The following CPEB2 variants were observed in gnomAD, a reference collection of about 807,000 sequenced individuals.
CPEB2 encodes the protein cytoplasmic polyadenylation element-binding protein 2.
In CPEB2, 56 loss-of-function variants were observed where a neutral mutation model predicts 93.6. The observed-to-expected ratio is 0.60, with a 90% CI of 0.48 to 0.75. CPEB2 has a LOEUF of 0.75. Among genes scored for constraint, CPEB2 ranks in the 30% least tolerant of loss-of-function variants. CPEB2 has a pLI of 0.00. For missense variants in CPEB2, 1,579 were observed against 1,395.1 expected, an observed-to-expected ratio of 1.13 and a Z score of -2.10; for synonymous variants, 764 against 586.3, an observed-to-expected ratio of 1.30 and a Z score of -4.38.
chr4:15,003,466 C>G lies in CPEB2; in HGVS notation c.793C>G (p.Pro265Ala), dbSNP rs1163912804. Reference sequence around the variant, plus strand: ...AGACCTGCCCCCGCTCCCGCAGCTCCCTCCCTCGCCGCCTGCAGCCCCGCG... The same window carrying G: ...AGACCTGCCCCCGCTCCCGCAGCTCGCTCCCTCGCCGCCTGCAGCCCCGCG... ...PADLPPLPQL[P>A]PSPPAAPRRR... Residue 265 changes from proline to alanine, a missense_variant, in exon 1 of 12, where the codon CCT becomes GCT. Physicochemically the swap from Pro to Ala is conservative, Grantham distance 27 (BLOSUM62 -1). Around this residue, in one of 2 missense-constraint regions of CPEB2, gnomAD observed 1,411 missense variants for 1,056.0 expected, o/e 1.34. Coordinates refer to ENST00000538197, the MANE Select transcript of CPEB2 (RefSeq NM_001177382.2). The G allele has an allele frequency of 7.2e-7, 1 of 1,387,224 alleles. No homozygotes were observed. The highest frequency in any genetic ancestry group is 1.6e-5 in the South Asian group (1 of 61,694). 85.9% of individuals were successfully genotyped at this position (1,387,224 alleles called of 1,614,324 possible). A position where few individuals can be genotyped will look rare whatever the true frequency, so the allele number is the denominator to read the frequency against.
intron 4 of CPEB2, among the ~76,000 whole-genome samples, chr4:15,023,509 G>A (rs554064273): frequency 6.6e-6 from 1 of 151,980 alleles, no homozygotes; most frequent in African/African-American, 2.4e-5. Context: ...ATATTTTGGT[G>A]TATAATTTTT....
chr4:15,053,634 T>C (rs1224570094), intron 7 of CPEB2, among the ~76,000 whole-genome samples: 1 of 152,202 alleles, frequency 6.6e-6, no homozygotes, highest in African/African-American at 2.4e-5. Flanking sequence ...GACATAGCAA[T>C]TGGATGTAAC....
In CPEB2 at chr4:15,066,610, TG is replaced by T. The variant is rs1729722283; in HGVS notation, c.*231del. On this transcript the variant is annotated 3_prime_UTR_variant, in exon 12 of 12. Coordinates refer to ENST00000538197, the MANE Select transcript of CPEB2 (RefSeq NM_001177382.2). ...GTGATATTTTCATGTTCAAATAAAA[TG>T]TTTTTTTGTATTTTCTCCAAGTTAT... 1 of 510,752 alleles carries T rather than the reference TG, an allele frequency of 2.0e-6. No individual in the cohort carries two copies. Among genetic ancestry groups the T allele is most frequent in the Non-Finnish European group, 3.5e-6 (1 of 288,808 alleles). The allele number at this position is 510,752 out of a possible 1,614,324, so 31.6% of individuals were successfully genotyped here. A position where few individuals can be genotyped will look rare whatever the true frequency, so the allele number is the denominator to read the frequency against.
intron 4 of CPEB2, among the ~76,000 whole-genome samples, chr4:15,030,278 A>G (rs1003723934): frequency 2.6e-5 from 4 of 152,120 alleles, no homozygotes; most frequent in African/African-American, 9.6e-5. Flanking sequence ...TATGTTGTCA[A>G]TATAAAGTAA....
chr4:15,043,589 C>T (rs560496455), intron 6 of CPEB2, among the ~76,000 whole-genome samples: 21 of 152,024 alleles, frequency 1.4e-4, no homozygotes, highest in Non-Finnish European at 1.9e-4. Context: ...TGAAGGGAGG[C>T]GTGAAGTGTA....
chr4:15,012,253 G>T (rs924792099), intron 3 of CPEB2, among the ~76,000 whole-genome samples: 1 of 152,098 alleles, frequency 6.6e-6, no homozygotes, highest in African/African-American at 2.4e-5. Flanking sequence ...TTCCTATTCT[G>T]TGTTCAGTGC....
rs1728521421 is a variant in CPEB2 at position 15,054,343 on chromosome 4, C to G, written c.2461+126C>G. On this transcript the variant is annotated intron_variant, in intron 8 of 11. Transcript: ENST00000538197. ...CTATGATTTGATAATTTCATAGACTCAGATCAACAAATGTTTGAGTATTTT... is the reference window on the plus strand; with the variant it reads ...CTATGATTTGATAATTTCATAGACTGAGATCAACAAATGTTTGAGTATTTT... 10 of 698,792 alleles carry G rather than the reference C, an allele frequency of 1.4e-5. No individual in the cohort carries two copies. The East Asian group carries it at 2.7e-4, about 19-fold the overall frequency. 43.3% of individuals were successfully genotyped at this position (698,792 alleles called of 1,614,324 possible).
At chr4:15,040,553 T>A in intron 6 of CPEB2, 66 bp downstream of exon 6, 1 of 1,355,194 alleles carries the variant, frequency 7.4e-7, no homozygotes, top group Non-Finnish European at 1.0e-6. Flanking sequence ...ATGTTGTAAT[T>A]AATTACTCTA....
In CPEB2 at chr4:15,062,239, G is replaced by C; in HGVS notation, c.2856G>C (p.Gln952His). 6.2e-7 allele frequency: 1 copy of C among 1,610,746 alleles called. No homozygotes were observed. The highest frequency in any genetic ancestry group is 8.5e-7 in the Non-Finnish European group (1 of 1,177,874). ...TTAGTGCTCGGTTTGTTCAGCTTCA[G>C]CATGGTGATATTGATAAACGTGTAA... ...AAISARFVQL[Q>H]HGDIDKRVEV... The change falls in exon 11 of 12, where the codon CAG (glutamine) becomes CAC (histidine). Residue 952 changes from glutamine to histidine, a missense_variant. Coordinates refer to ENST00000538197, the MANE Select transcript of CPEB2 (RefSeq NM_001177382.2).
Position 15,003,002 on chromosome 4 carries a change from C to T in CPEB2, c.329C>T (p.Ser110Leu). 6.7e-7 allele frequency: 1 copy of T among 1,497,486 alleles called. No homozygotes were observed. The highest frequency in any genetic ancestry group is 8.8e-7 in the Non-Finnish European group (1 of 1,134,614). The allele number at this position is 1,497,486 out of a possible 1,614,324, so 92.8% of individuals were successfully genotyped here. A position where few individuals can be genotyped will look rare whatever the true frequency, so the allele number is the denominator to read the frequency against. The stretch of plus-strand genomic sequence containing the variant: ...ACACAGCAGCCGGCGCGGCCGCTTT[C>T]GGGGGCGGCGGCCACGGAGAAACTC... ...GLTQQPARPL[S>L]GAAATEKLPD... Residue 110 changes from serine to leucine, a missense_variant, in exon 1 of 12, where the codon TCG (serine) becomes TTG (leucine). Ser to Leu is a moderately radical substitution (Grantham distance 145, BLOSUM62 -2). Coordinates refer to ENST00000538197, the MANE Select transcript of CPEB2 (RefSeq NM_001177382.2).
chr4:15,024,986 C>T (rs1245973522), intron 4 of CPEB2, among the ~76,000 whole-genome samples: 1 of 152,056 alleles, frequency 6.6e-6, no homozygotes, highest in Non-Finnish European at 1.5e-5. Context: ...ACTTTGTGAT[C>T]TGCCCGCTTC....
chr4:15,037,292 CA>C (rs1726708491), intron 5 of CPEB2, among the ~76,000 whole-genome samples: 1 of 149,980 alleles, frequency 6.7e-6, no homozygotes, highest in South Asian at 2.1e-4. Flanking sequence ...GCCTGGGCGA[CA>C]GAGCAAGACT....
chr4:15,018,014 A>G (rs1724370609), intron 4 of CPEB2: 1 of 151,924 alleles, frequency 6.6e-6, no homozygotes, highest in Non-Finnish European at 1.5e-5. Context: ...CTATTGCTAC[A>G]TAATAAATTA....
intron 6 of CPEB2, among the ~76,000 whole-genome samples, chr4:15,041,519 C>T (rs1489717809): frequency 6.6e-6 from 1 of 151,968 alleles, no homozygotes; most frequent in Non-Finnish European, 1.5e-5. Context: ...TCTCCTACCT[C>T]ATCCTCCCAA....
chr4:15,024,153 TG>T (rs1269987078), intron 4 of CPEB2, among the ~76,000 whole-genome samples: 1 of 152,144 alleles, frequency 6.6e-6, no homozygotes, highest in Non-Finnish European at 1.5e-5. Flanking sequence ...TCATCCAGAT[TG>T]TTTTTTTTCA....
In CPEB2 at chr4:15,062,140, A is replaced by C; in HGVS notation, c.2757A>C (p.Thr919=). The change falls in exon 11 of 12, where the codon ACA becomes ACC. Residue 919 remains threonine, a synonymous_variant. Coordinates refer to ENST00000538197, the MANE Select transcript of CPEB2 (RefSeq NM_001177382.2). ...YGGVCYAGID[T]DPELKYPKGA... is the part of the protein sequence containing the mutation. ...GAGTTTGTTATGCAGGAATTGATAC[A>C]GATCCTGAGCTAAAATACCCAAAAG... The C allele has an allele frequency of 6.2e-7, 1 of 1,612,528 alleles. No homozygotes were observed. The highest frequency in any genetic ancestry group is 1.1e-5 in the South Asian group (1 of 90,966).
At position 15,069,734 on chromosome 4, in the gene CPEB2, CTT is replaced by C. The variant is rs1424360301; in HGVS notation, c.*3356_*3357del. 1 of 152,052 alleles carries C rather than the reference CTT, an allele frequency of 6.6e-6. No homozygotes were observed. Among genetic ancestry groups the C allele is most frequent in the Non-Finnish European group, 1.5e-5 (1 of 67,786 alleles). The allele number at this position is 152,052 out of a possible 1,614,324, so 9.4% of individuals were successfully genotyped here. A position where few individuals can be genotyped will look rare whatever the true frequency, so the allele number is the denominator to read the frequency against. On this transcript the variant is annotated 3_prime_UTR_variant, in exon 12 of 12. Coordinates refer to ENST00000538197, the MANE Select transcript of CPEB2 (RefSeq NM_001177382.2). ...GTTGAATTATTTTTGGAGCTGAAATCTTTGTAATATTAAAGCAACTAGTTTCT... is the reference window on the plus strand; with the variant it reads ...GTTGAATTATTTTTGGAGCTGAAATCTGTAATATTAAAGCAACTAGTTTCT...
rs1722465281 is a variant in CPEB2, at chr4:15,004,241, G to A, written c.1568G>A (p.Ser523Asn). 1.3e-6 allele frequency: 2 copies of A among 1,493,822 alleles called. No individual in the cohort carries two copies. Among genetic ancestry groups the A allele is most frequent in the Non-Finnish European group, 1.8e-6 (2 of 1,128,694 alleles). 92.5% of individuals were successfully genotyped at this position (1,493,822 alleles called of 1,614,324 possible). A position where few individuals can be genotyped will look rare whatever the true frequency, so the allele number is the denominator to read the frequency against. ...CCCGCGGCGCCGCAGCAGCCGCAGA[G>A]CCGGAGGTCGCCCGTCAGCCCGCAG... is the stretch of plus-strand genomic sequence containing the variant. ...PPPAAPQQPQ[S>N]RRSPVSPQLQ... Residue 523 changes from serine (S) to asparagine (N), a missense_variant, in exon 1 of 12, where the codon AGC (serine) becomes AAC (asparagine). This residue lies in a region of CPEB2 where 1,411 missense variants were observed against 1,056.0 expected (regional missense o/e 1.34). Coordinates refer to ENST00000538197, the MANE Select transcript of CPEB2 (RefSeq NM_001177382.2).
intron 4 of CPEB2, among the ~76,000 whole-genome samples, chr4:15,019,081 G>A (rs1161124731): frequency 6.6e-6 from 1 of 150,554 alleles, no homozygotes; most frequent in Non-Finnish European, 1.5e-5. Flanking sequence ...GAAAAAACAT[G>A]CTCACTAACC....
Sources: gnomAD v4.1 joint callset for allele counts (sites outside exome capture counted in the v4.1 genomes callset) on GRCh38, gnomAD v4.1.1 for gene constraint, gnomAD v4.1.1 regional missense constraint, MANE v1.5 for transcripts, NCBI Gene and HGNC (gene_info 2026-07-23, HGNC 2026-07-21) for gene names.